Variants in NOP58 observed in about 807,000 individuals in gnomAD.
The protein encoded by NOP58 is nucleolar protein 58.
Under a neutral mutation model 71.2 loss-of-function variants are expected in NOP58, and 44 were observed. The observed-to-expected ratio is 0.62, with a 90% CI of 0.49 to 0.79. The LOEUF is 0.79. Ranked by LOEUF, NOP58 falls within the 30% of genes least tolerant of loss-of-function variation. The pLI is 0.00. For missense variants in NOP58, 538 were observed against 620.2 expected, an observed-to-expected ratio of 0.87 and a Z score of 1.41; for synonymous variants, 228 against 200.3, an observed-to-expected ratio of 1.14 and a Z score of -1.17.
Position 202,298,588 on chromosome 2 carries a change from G to A in NOP58, c.1268+682G>A, listed in dbSNP as rs773137563. 5.9e-5 allele frequency among the ~76,000 whole-genome samples: 9 copies of A among 152,200 alleles called. No individual in the cohort carries two copies. In the South Asian group the frequency reaches 6.2e-4, roughly 11 times the overall value. On this transcript the variant is annotated intron_variant, in intron 12 of 14. Transcript: ENST00000264279. Reference sequence around the variant, plus strand: ...GCGGAGGGTGCAGTGAGCTGAGATCGCGCCCCTGCACTCCAGCCTGGGCAA... The same window carrying A: ...GCGGAGGGTGCAGTGAGCTGAGATCACGCCCCTGCACTCCAGCCTGGGCAA...
chr2:202,279,137 CTA>C, intron 3 of NOP58, among the ~76,000 whole-genome samples: 1 of 152,274 alleles, frequency 6.6e-6, no homozygotes, highest in East Asian at 1.9e-4. Flanking sequence ...TATTCAAACT[CTA>C]GGGGGTGTTG....
intron 9 of NOP58, chr2:202,293,104 G>A: frequency 1.3e-6 from 1 of 745,854 alleles, no homozygotes; most frequent in Non-Finnish European, 2.4e-6. Context: ...GATAATGAAG[G>A]CATCTTTAGT....
chr2:202,287,580 CAAA>C lies in NOP58; in HGVS notation c.435-73_435-71del, dbSNP rs539401386. On this transcript the variant is annotated intron_variant, in intron 5 of 14. Transcript: ENST00000264279. ...AGGCTGATTTGAGTAAAAACAAAAA[CAAA>C]AAAAAACTTTAAGGTGTTAATTTAA... is the stretch of plus-strand genomic sequence containing the variant. The C allele has an allele frequency of 2.7e-6, 3 of 1,111,740 alleles. No homozygotes were observed. The African/African-American group carries it at 4.7e-5, about 17-fold the overall frequency. 68.9% of individuals were successfully genotyped at this position (1,111,740 alleles called of 1,614,324 possible).
At chr2:202,266,596 G>T (rs2105833254) in intron 1 of NOP58, among the ~76,000 whole-genome samples, 1 of 152,284 alleles carries the variant, frequency 6.6e-6, no homozygotes, top group East Asian at 1.9e-4. Context: ...GATTACAGGC[G>T]TGAGCCACCG....
intron 10 of NOP58, among the ~76,000 whole-genome samples, chr2:202,296,399 C>T: frequency 6.6e-6 from 1 of 152,102 alleles, no homozygotes; most frequent in Non-Finnish European, 1.5e-5. Flanking sequence ...AGACCAGTTT[C>T]ACCATGTTGG....
At chr2:202,292,624 AAAAG>A (rs1435278078) in intron 8 of NOP58, among the ~76,000 whole-genome samples, 149 bp from the exon 9 acceptor site, 11 of 152,144 alleles carry the variant, frequency 7.2e-5, no homozygotes, top group Admixed American at 5.2e-4. Context: ...GGAAAAAAAA[AAAAG>A]AAAACTGATG....
intron 13 of NOP58, 125 bp downstream of exon 13, chr2:202,300,492 T>C: frequency 1.4e-6 from 1 of 698,016 alleles, no homozygotes; most frequent in Non-Finnish European, 2.4e-6. Context: ...GCTAATGGTG[T>C]TTTAATAATG....
chr2:202,287,927 A>G (rs1031952876), intron 6 of NOP58, among the ~76,000 whole-genome samples: 2 of 152,054 alleles, frequency 1.3e-5, no homozygotes, highest in African/African-American at 2.4e-5. Context: ...CTTGGCCAAC[A>G]TGACAAAACT....
chr2:202,289,122 A>G (rs1184044490), intron 6 of NOP58, among the ~76,000 whole-genome samples: 4 of 152,092 alleles, frequency 2.6e-5, no homozygotes, highest in Non-Finnish European at 5.9e-5. Context: ...TCTGTCTCCA[A>G]AAAAAGAAAA....
At chr2:202,288,611 A>G in intron 6 of NOP58, among the ~76,000 whole-genome samples, 1 of 151,916 alleles carries the variant, frequency 6.6e-6, no homozygotes. Context: ...TGAGGTCAGG[A>G]GTTCGAGATC....
At chr2:202,269,499 T>C (rs1484930899) in intron 1 of NOP58, among the ~76,000 whole-genome samples, 2 of 152,160 alleles carry the variant, frequency 1.3e-5, no homozygotes, top group Non-Finnish European at 2.9e-5. Context: ...CAAAAAGTTA[T>C]TGCTCATTAA....
intron 13 of NOP58, among the ~76,000 whole-genome samples, chr2:202,302,083 C>CTTTTTTTTTTTTTTT (rs71031885): frequency 2.9e-4 from 26 of 90,588 alleles, no homozygotes; most frequent in Non-Finnish European, 4.0e-4. Flanking sequence ...TTTTTTTTTT[C>CTTTTTTTTTTTTTTT]TTTTTTTTTT....
At chr2:202,271,546 G>A (rs1379106447) in intron 1 of NOP58, among the ~76,000 whole-genome samples, 1 of 151,678 alleles carries the variant, frequency 6.6e-6, no homozygotes, top group African/African-American at 2.4e-5. Flanking sequence ...CAGCCTGGCC[G>A]ACAGAGCGCA....
At chr2:202,303,180 A>C in intron 14 of NOP58, 123 bp downstream of exon 14, 3 of 1,310,886 alleles carry the variant, frequency 2.3e-6, no homozygotes, top group Non-Finnish European at 3.2e-6. Context: ...GGAGAGGTAA[A>C]AGTGAAATGG....
chr2:202,269,757 G>GA (rs929397798), intron 1 of NOP58, among the ~76,000 whole-genome samples: 1 of 152,034 alleles, frequency 6.6e-6, no homozygotes, highest in African/African-American at 2.4e-5. Context: ...AAGAAAAAAA[G>GA]AAAAAAAGAA....
At chr2:202,284,053 G>C (rs76181704) in intron 4 of NOP58, among the ~76,000 whole-genome samples, 6,718 of 151,858 alleles carry the variant, frequency 0.044, 516 homozygotes, top group African/African-American at 0.15. Context: ...AAGATGAGGC[G>C]GGCGGATCAC....
intron 7 of NOP58, 25 bp from the exon 8 acceptor site, chr2:202,291,100 C>T (rs1688881320): frequency 2.6e-6 from 4 of 1,562,152 alleles, no homozygotes; most frequent in African/African-American, 1.4e-5. Context: ...GTGATTCTCC[C>T]TCATCCTCTG....
Position 202,295,712 on chromosome 2 carries a change from G to A in NOP58, c.946G>A (p.Val316Ile), listed in dbSNP as rs150533873. 395 of 1,607,330 alleles carry A rather than the reference G, an allele frequency of 2.5e-4. No homozygotes were observed. Among genetic ancestry groups the A allele is most frequent in the African/African-American group, 3.9e-4 (29 of 74,596 alleles). Reference protein sequence around the residue: ...LNLAKHAASTVQILGAEKALF... With the variant: ...LNLAKHAASTIQILGAEKALF... ...TTTGGCCAAGCATGCAGCTTCTACC[G>A]TTCAGATTCTTGGAGCTGAAAAGGC... Residue 316 changes from valine (V) to isoleucine (I), a missense_variant, in exon 10 of 15, where the codon GTT becomes ATT. Val to Ile is a conservative substitution (Grantham distance 29). Transcript: ENST00000264279.
chr2:202,293,728 C>G (rs1168733196), intron 9 of NOP58, among the ~76,000 whole-genome samples: 1 of 152,120 alleles, frequency 6.6e-6, no homozygotes, highest in African/African-American at 2.4e-5. Context: ...GTGCTGCCAC[C>G]ATGCCTGGCT....
Sources: gnomAD v4.1 joint callset for allele counts (sites outside exome capture counted in the v4.1 genomes callset) on GRCh38, gnomAD v4.1.1 for gene constraint, MANE v1.5 for transcripts, NCBI Gene and HGNC (gene_info 2026-07-23, HGNC 2026-07-21) for gene names.